The following SLX4IP variants were observed in gnomAD, a reference collection of about 807,000 sequenced individuals.
SLX4IP encodes the protein SLX4 interacting protein, also known as protein SLX4IP.
In SLX4IP, 34 loss-of-function variants were observed where a neutral mutation model predicts 32.9. The observed-to-expected ratio is 1.03, with a 90% CI of 0.79 to 1.38. The LOEUF (loss-of-function observed/expected upper bound fraction) is 1.38, where lower values mean the gene tolerates loss of function less well. Ranked by LOEUF, SLX4IP falls within the 40% of genes most tolerant of loss-of-function variation. The pLI is 0.00. For missense variants in SLX4IP, 444 were observed against 479.0 expected (o/e 0.93, Z 0.68); for synonymous variants, 172 against 171.7 (o/e 1.00, Z -0.01).
In SLX4IP at chr20:10,458,176, G is replaced by A; in HGVS notation, c.-29G>A. 6.4e-7 allele frequency: 1 copy of A among 1,562,304 alleles called. No homozygotes were observed. Among genetic ancestry groups the A allele is most frequent in the Non-Finnish European group, 8.6e-7 (1 of 1,161,828 alleles). ...ATTGTAACTTTTTTTTTTCTTAAAG[G>A]TCTGTAGTTACTGTGGAATCAATAA... On this transcript the variant is annotated splice_region_variant and 5_prime_UTR_variant, in exon 2 of 8. Coordinates refer to ENST00000334534, the MANE Select transcript of SLX4IP (RefSeq NM_001009608.3).
chr20:10,567,112 C>T (rs1278096692), intron 4 of SLX4IP, among the ~76,000 whole-genome samples: 1 of 152,188 alleles, frequency 6.6e-6, no homozygotes, highest in Non-Finnish European at 1.5e-5. Context: ...GCAGAACATT[C>T]ATCCATGCCT....
intron 4 of SLX4IP, among the ~76,000 whole-genome samples, chr20:10,577,295 T>A (rs563446663): frequency 6.6e-6 from 1 of 152,324 alleles, no homozygotes; most frequent in African/African-American, 2.4e-5. Context: ...ATGAGGGTTT[T>A]TCATGCTTTC....
In SLX4IP at chr20:10,474,030, C is replaced by T. The variant is rs148525981; in HGVS notation, c.27+15799C>T. Among the ~76,000 whole-genome samples, 17 of 152,188 alleles carry T rather than the reference C, an allele frequency of 1.1e-4. No individual in the cohort carries two copies. The East Asian group carries it at 1.7e-3, about 16-fold the overall frequency. The stretch of plus-strand genomic sequence containing the variant: ...TAGAGATGGGATTTCACCATGTTGG[C>T]CAGACTGGTCTCAAACTCCTGACCT... On this transcript the variant is annotated intron_variant, in intron 2 of 7. Transcript: ENST00000334534.
rs6133943 is a variant in SLX4IP at position 10,466,453 on chromosome 20, C to T, written c.27+8222C>T. Among the ~76,000 whole-genome samples, 337 of 152,298 alleles carry T rather than the reference C, an allele frequency of 2.2e-3. 2 individuals carry two copies. Among genetic ancestry groups the T allele is most frequent in the African/African-American group, 7.6e-3 (316 of 41,552 alleles). On this transcript the variant is annotated intron_variant, in intron 2 of 7. Transcript: ENST00000334534. ...CTTTCTCTGCTGCTTCCCTTCCCCC[C>T]CAACCTACTTTATTGTGGGTGGGAA... is the stretch of plus-strand genomic sequence containing the variant.
Position 10,593,733 on chromosome 20 carries a change from C to CA in SLX4IP, c.239-4932dup, listed in dbSNP as rs748478574. 3.3e-3 allele frequency among the ~76,000 whole-genome samples: 486 copies of CA among 148,744 alleles called. 2 individuals are homozygous for CA. The highest frequency in any genetic ancestry group is 1.0e-2 in the East Asian group (51 of 5,102). On this transcript the variant is annotated intron_variant, in intron 4 of 7. Transcript: ENST00000334534. ...CCTGGGCAACACAGCAAGACCCTGT[C>CA]AAAAAAAAAATTCAAATGTAGAATG...
chr20:10,498,231 T>G (rs1030214551), intron 2 of SLX4IP, among the ~76,000 whole-genome samples: 2 of 151,782 alleles, frequency 1.3e-5, no homozygotes, highest in Admixed American at 6.6e-5. Context: ...AGTGGGCAGC[T>G]CTGTTCAGTT....
At chr20:10,440,031 CAT>C (rs1264523054) in intron 1 of SLX4IP, among the ~76,000 whole-genome samples, 6 of 152,056 alleles carry the variant, frequency 3.9e-5, no homozygotes, top group East Asian at 1.9e-4. Flanking sequence ...GGATTTGACT[CAT>C]ATTAATTATG....
intron 2 of SLX4IP, among the ~76,000 whole-genome samples, chr20:10,542,064 G>T (rs1337173946): frequency 6.6e-6 from 1 of 152,210 alleles, no homozygotes; most frequent in Non-Finnish European, 1.5e-5. Context: ...TGGTGCATTG[G>T]ATGGTTGAAG....
At chr20:10,523,937 G>C (rs605006) in intron 2 of SLX4IP, among the ~76,000 whole-genome samples, 29,824 of 152,204 alleles carry the variant, frequency 0.2, 3,530 homozygotes, top group Admixed American at 0.27. Context: ...AAAATGAATT[G>C]GTAGGAGGAG....
intron 2 of SLX4IP, among the ~76,000 whole-genome samples, chr20:10,506,952 C>A (rs1399714749): frequency 6.6e-6 from 1 of 152,178 alleles, no homozygotes; most frequent in Non-Finnish European, 1.5e-5. Flanking sequence ...ATTTGATGAA[C>A]TTACACATTG....
chr20:10,586,844 T>C (rs1441242532), intron 4 of SLX4IP, among the ~76,000 whole-genome samples: 2 of 152,056 alleles, frequency 1.3e-5, no homozygotes. Context: ...AAATTGTTAA[T>C]GTGAGCTAAG....
intron 2 of SLX4IP, among the ~76,000 whole-genome samples, chr20:10,547,611 T>C (rs1371822528): frequency 1.3e-5 from 2 of 152,214 alleles, no homozygotes; most frequent in East Asian, 3.8e-4. Context: ...GACTGGAAAG[T>C]GGGGAAATAG....
At chr20:10,597,107 G>A (rs78239677) in intron 4 of SLX4IP, among the ~76,000 whole-genome samples, 3,661 of 152,292 alleles carry the variant, frequency 0.024, 101 homozygotes, top group Admixed American at 0.088. Flanking sequence ...TCTTTCTACA[G>A]GAGTGTCGGA....
intron 2 of SLX4IP, among the ~76,000 whole-genome samples, chr20:10,545,651 T>TG (rs989351743): frequency 1.3e-5 from 2 of 152,146 alleles, no homozygotes; most frequent in Non-Finnish European, 2.9e-5. Flanking sequence ...ATTACCACTG[T>TG]GGGGGGGATT....
intron 7 of SLX4IP, 92 bp from the exon 8 acceptor site, chr20:10,622,567 T>C (rs912670314): frequency 8.7e-6 from 13 of 1,500,716 alleles, no homozygotes; most frequent in Admixed American, 4.3e-5. Flanking sequence ...CCTGCCTCCT[T>C]TTTCAGGTGT....
At chr20:10,435,899 TA>T (rs1014806085) in intron 1 of SLX4IP, among the ~76,000 whole-genome samples, 3 of 152,190 alleles carry the variant, frequency 2.0e-5, no homozygotes, top group African/African-American at 7.2e-5. Context: ...AGGAGTTAGC[TA>T]AAAAAAATCC....
intron 2 of SLX4IP, among the ~76,000 whole-genome samples, chr20:10,521,169 A>G (rs1372469552): frequency 6.6e-6 from 1 of 152,154 alleles, no homozygotes; most frequent in East Asian, 1.9e-4. Context: ...TCTCTTCAGC[A>G]GCCTTGCTGA....
intron 6 of SLX4IP, among the ~76,000 whole-genome samples, chr20:10,617,579 A>G (rs1338713870): frequency 6.6e-6 from 1 of 150,380 alleles, no homozygotes; most frequent in Admixed American, 6.6e-5. Flanking sequence ...CACAGTTTCA[A>G]TGTGCCTTTG....
Position 10,510,156 on chromosome 20 carries a change from T to G in SLX4IP, c.28-46075T>G, listed in dbSNP as rs574143797. On this transcript the variant is annotated intron_variant, in intron 2 of 7. Transcript: ENST00000334534. Reference sequence around the variant, plus strand: ...AAGAATAACAATATAATTTTAAATTTTTAAAATTTCCTTTTTAAAAGAAGA... The same window carrying G: ...AAGAATAACAATATAATTTTAAATTGTTAAAATTTCCTTTTTAAAAGAAGA... Among the ~76,000 whole-genome samples, 12 of 152,332 alleles carry G rather than the reference T, an allele frequency of 7.9e-5. No homozygotes were observed. In the South Asian group the frequency reaches 2.5e-3, roughly 32 times the overall value.
Sources: gnomAD v4.1 joint callset for allele counts (sites outside exome capture counted in the v4.1 genomes callset) on GRCh38, gnomAD v4.1.1 for gene constraint, MANE v1.5 for transcripts, NCBI Gene and HGNC (gene_info 2026-07-23, HGNC 2026-07-21) for gene names.